Variants in CCDC180 observed in about 807,000 individuals in gnomAD.
CCDC180 encodes coiled-coil domain-containing protein 180.
In CCDC180, 154 loss-of-function variants were observed where a neutral mutation model predicts 209.2. The observed-to-expected ratio is 0.74, with a 90% confidence interval of 0.65 to 0.84. The LOEUF (loss-of-function observed/expected upper bound fraction) is 0.84. Among genes scored for constraint, CCDC180 ranks in the 40% least tolerant of loss-of-function variants. The probability of loss-of-function intolerance (pLI) is 0.00; values close to 1 mark genes in which losing one functional copy is unlikely to be tolerated. For synonymous variants in CCDC180, 778 were observed against 749.1 expected (o/e 1.04, Z -0.63); for missense variants, 1,874 against 1,997.3 (o/e 0.94, Z 1.18).
intron 22 of CCDC180, among the ~76,000 whole-genome samples, chr9:97,351,359 G>A (rs1297582466): frequency 6.6e-6 from 1 of 152,110 alleles, no homozygotes; most frequent in Non-Finnish European, 1.5e-5. Flanking sequence ...ACCTGTTAAT[G>A]GGCGTGAGGT....
chr9:97,313,731 C>T (rs974015345), intron 5 of CCDC180, among the ~76,000 whole-genome samples: 17 of 152,210 alleles, frequency 1.1e-4, no homozygotes, highest in Admixed American at 6.5e-5. Flanking sequence ...TGCTGATAGC[C>T]CAGCTCTGCT....
chr9:97,345,518 C>A, intron 19 of CCDC180: 1 of 394,860 alleles, frequency 2.5e-6, no homozygotes, highest in Non-Finnish European at 4.9e-6. Flanking sequence ...TTGGGAAATG[C>A]CTAGCAAAAT....
In CCDC180 at chr9:97,370,776, G is replaced by A. The variant is rs1827066672; in HGVS notation, c.4486G>A (p.Glu1496Lys). Residue 1496 changes from glutamate (E) to lysine (K), a missense_variant and splice_region_variant, in exon 33 of 37, where the codon GAG becomes AAG. Transcript: ENST00000529487. Reference protein sequence around the residue: ...SMIRMNKEKLEECTRRNGQVF... With the variant: ...SMIRMNKEKLKECTRRNGQVF... ...GATTAGGATGAACAAGGAGAAGCTG[G>A]AGGTCAGTGATACCATTGATTCGCC... is the stretch of plus-strand genomic sequence containing the variant. The A allele has an allele frequency of 6.2e-7, 1 of 1,613,512 alleles. No individual in the cohort carries two copies. Among genetic ancestry groups the A allele is most frequent in the Non-Finnish European group, 8.5e-7 (1 of 1,179,820 alleles).
chr9:97,369,895 T>C lies in CCDC180; in HGVS notation c.4190-27T>C. On this transcript the variant is annotated intron_variant, in intron 31 of 36. Coordinates refer to ENST00000529487, the MANE Select transcript of CCDC180 (RefSeq NM_020893.6). ...AGTTGATTCTAATCTGTTCCCTCCCTTGGCCTCTTACCCGCACTTCTGGCA... is the reference window on the plus strand; with the variant it reads ...AGTTGATTCTAATCTGTTCCCTCCCCTGGCCTCTTACCCGCACTTCTGGCA... 3.7e-6 allele frequency: 6 copies of C among 1,613,518 alleles called. No homozygotes were observed. In the African/African-American group the frequency reaches 8.0e-5, roughly 22 times the overall value.
chr9:97,307,818 C>A lies in CCDC180; in HGVS notation c.-82+12C>A, dbSNP rs1431510663. The A allele has an allele frequency of 1.2e-6, 2 of 1,613,990 alleles. No homozygotes were observed. ...AGAGCTCATCTGAGGTTAGTTTCAT[C>A]GTTTCGTTGAAAGTTAAAACCCTAA... On this transcript the variant is annotated intron_variant, in intron 1 of 36. Coordinates refer to ENST00000529487, the MANE Select transcript of CCDC180 (RefSeq NM_020893.6).
chr9:97,362,686 C>G (rs1826799675), intron 28 of CCDC180, among the ~76,000 whole-genome samples: 1 of 150,232 alleles, frequency 6.7e-6, no homozygotes, highest in Non-Finnish European at 1.5e-5. Context: ...GGGCAGATGG[C>G]TTTCCTGGAG....
In CCDC180 at chr9:97,343,505, G is replaced by C; in HGVS notation, c.2440G>C (p.Ala814Pro). The C allele has an allele frequency of 6.2e-7, 1 of 1,614,034 alleles. No homozygotes were observed. The highest frequency in any genetic ancestry group is 8.5e-7 in the Non-Finnish European group (1 of 1,179,970). The change falls in exon 19 of 37, where the codon GCC (alanine) becomes CCC (proline). Residue 814 changes from alanine to proline, a missense_variant. Physicochemically the swap from Ala to Pro is conservative, Grantham distance 27. Transcript: ENST00000529487. Reference protein sequence around the residue: ...SAMFINDTSSAKFIEQVTIPS... With the variant: ...SAMFINDTSSPKFIEQVTIPS... ...CATGTTCATCAACGACACTTCCAGT[G>C]CCAAGTTCATAGAACAAGTGACAAT... is the stretch of plus-strand genomic sequence containing the variant.
intron 36 of CCDC180, 152 bp from the exon 37 acceptor site, chr9:97,376,611 A>G (rs1827265764): frequency 6.7e-6 from 5 of 744,090 alleles, no homozygotes; most frequent in South Asian, 1.8e-5. Context: ...AACTAGGACT[A>G]CCTGGTTTCT....
chr9:97,361,785 TG>T lies in CCDC180; in HGVS notation c.3544del (p.Glu1182LysfsTer17). Reference sequence around the variant, plus strand: ...ACATCCTGACATCTTCAGAAGCCCTTGAAGAGGAGGCCAAGCTGGACGTGGT... The same window carrying T: ...ACATCCTGACATCTTCAGAAGCCCTTAAGAGGAGGCCAAGCTGGACGTGGT... Reference protein sequence around the residue: ...SDILTSSEALEEEAKLDVVTP... With the variant: ...SDILTSSEALXEEAKLDVVTP... On this transcript the variant is annotated frameshift_variant, in exon 27 of 37. Transcript: ENST00000529487. LOFTEE classifies it high-confidence loss of function. 1 of 1,614,086 alleles carries T rather than the reference TG, an allele frequency of 6.2e-7. No homozygotes were observed. The highest frequency in any genetic ancestry group is 1.1e-5 in the South Asian group (1 of 91,076).
At position 97,362,417 on chromosome 9, in the gene CCDC180, G is replaced by A; in HGVS notation, c.3878G>A (p.Ser1293Asn). The change falls in exon 28 of 37, where the codon AGT becomes AAT. Residue 1293 changes from serine to asparagine, a missense_variant. By Grantham distance (46) the Ser-to-Asn change is conservative. Transcript: ENST00000529487. Reference protein sequence around the residue: ...PENSGKKAVPSASATSAGSFT... With the variant: ...PENSGKKAVPNASATSAGSFT... ...AACTCTGGGAAGAAGGCTGTACCCA[G>A]TGCCAGTGCTACCTCTGCAGGCAGG... 2 of 1,614,126 alleles carry A rather than the reference G, an allele frequency of 1.2e-6. No homozygotes were observed. The highest frequency in any genetic ancestry group is 2.2e-5 in the East Asian group (1 of 44,882).
intron 19 of CCDC180, among the ~76,000 whole-genome samples, chr9:97,344,082 A>G (rs1357028036): frequency 1.3e-5 from 2 of 152,186 alleles, no homozygotes; most frequent in African/African-American, 4.8e-5. Flanking sequence ...ATATAAGAAC[A>G]ATGAAGAATA....
At chr9:97,325,633 A>G (rs547760584) in intron 14 of CCDC180, among the ~76,000 whole-genome samples, 1 of 152,346 alleles carries the variant, frequency 6.6e-6, no homozygotes, top group South Asian at 2.1e-4. Flanking sequence ...TTCCATGGGA[A>G]GTCTAATAAA....
At position 97,322,897 on chromosome 9, in the gene CCDC180, C is replaced by G. The variant is rs535058131; in HGVS notation, c.1224C>G (p.Cys408Trp). ...RLLYEKTWQECLMHVQNCKKQ... is the reference protein window; with the variant it reads ...RLLYEKTWQEWLMHVQNCKKQ... The stretch of plus-strand genomic sequence containing the variant: ...TGTATGAGAAGACATGGCAGGAGTG[C>G]CTGATGCATGTGCAGAATTGTAAGG... The change falls in exon 12 of 37, where the codon TGC (cysteine) becomes TGG (tryptophan). Residue 408 changes from cysteine (C) to tryptophan (W), a missense_variant. Cys to Trp is a radical substitution (Grantham distance 215). Coordinates refer to ENST00000529487, the MANE Select transcript of CCDC180 (RefSeq NM_020893.6). The G allele has an allele frequency of 8.1e-6, 13 of 1,613,964 alleles. No homozygotes were observed. The South Asian group carries it at 1.4e-4, about 18-fold the overall frequency.
At chr9:97,369,543 A>G (rs1198444863) in intron 31 of CCDC180, 2 of 180,472 alleles carry the variant, frequency 1.1e-5, no homozygotes, top group African/African-American at 4.8e-5. Flanking sequence ...CATAGCCTCA[A>G]ACTCCTGGGC....
chr9:97,330,289 C>G (rs1564155678), intron 17 of CCDC180, 33 bp from the exon 18 acceptor site: 3 of 1,612,242 alleles, frequency 1.9e-6, no homozygotes, highest in Non-Finnish European at 2.5e-6. Context: ...AGTAAATTGT[C>G]TCTCCTTGTG....
In CCDC180 at chr9:97,366,583, CCAGTCACCAGGCCTGA is replaced by C; in HGVS notation, c.4074_4089del (p.Val1359AlafsTer33). On this transcript the variant is annotated frameshift_variant, in exon 31 of 37. Coordinates refer to ENST00000529487, the MANE Select transcript of CCDC180 (RefSeq NM_020893.6). LOFTEE classifies it high-confidence loss of function. The surrounding 1 kb of genome is among the most constrained non-coding windows in gnomAD (Gnocchi z 4.3). ...GGAGTTCTACCGTAAAGAAAAACGC[CCAGTCACCAGGCCTGA>C]CTGCATGTGTGACACCTTTGACCAG... is the stretch of plus-strand genomic sequence containing the variant. 6.2e-7 allele frequency: 1 copy of C among 1,614,130 alleles called. No homozygotes were observed. The highest frequency in any genetic ancestry group is 8.5e-7 in the Non-Finnish European group (1 of 1,179,982).
chr9:97,374,428 T>TC (rs1365147177), intron 34 of CCDC180, 115 bp from the exon 35 acceptor site: 2 of 748,476 alleles, frequency 2.7e-6, no homozygotes, highest in East Asian at 2.7e-5. Context: ...CTGCCATAAC[T>TC]CCAAGTGGGA....
intron 20 of CCDC180, 122 bp downstream of exon 20, chr9:97,347,611 A>G: frequency 1.1e-6 from 1 of 941,248 alleles, no homozygotes; most frequent in Non-Finnish European, 1.6e-6. Context: ...GCATGTTCTC[A>G]TCACACCATG....
chr9:97,327,634 A>T (rs1833577142), intron 15 of CCDC180, among the ~76,000 whole-genome samples: 1 of 152,164 alleles, frequency 6.6e-6, no homozygotes, highest in African/African-American at 2.4e-5. Context: ...TACTTTAGGC[A>T]AGTACGTAAC....
Sources: gnomAD v4.1 joint callset for allele counts (sites outside exome capture counted in the v4.1 genomes callset) on GRCh38, gnomAD v4.1.1 for gene constraint, Gnocchi (gnomAD v3.1) non-coding constraint, MANE v1.5 for transcripts, NCBI Gene and HGNC (gene_info 2026-07-23, HGNC 2026-07-21) for gene names.